The following SLC15A1 variants were observed in gnomAD, a reference collection of about 807,000 sequenced individuals.
SLC15A1 encodes solute carrier family 15 member 1.
In SLC15A1, 83 loss-of-function variants were observed where a neutral mutation model predicts 92.9. The observed-to-expected ratio is 0.89, with a 90% CI of 0.75 to 1.07. The LOEUF (loss-of-function observed/expected upper bound fraction) is 1.07. Among genes scored for constraint, SLC15A1 ranks in the 50% least tolerant of loss-of-function variants. The pLI, the probability that SLC15A1 is intolerant of heterozygous loss-of-function variation, is 0.00. For missense variants in SLC15A1, 857 were observed against 880.1 expected, an observed-to-expected ratio of 0.97 and a Z score of 0.33; for synonymous variants, 322 against 318.2, an observed-to-expected ratio of 1.01 and a Z score of -0.13.
chr13:98,736,553 T>C (rs9513474), intron 1 of SLC15A1, among the ~76,000 whole-genome samples: 95,106 of 152,032 alleles, frequency 0.63, 31,835 homozygotes, highest in African/African-American at 0.87. Context: ...AGTGAACAGG[T>C]AACCAACAGA....
chr13:98,739,459 A>G (rs1484280449), intron 1 of SLC15A1, among the ~76,000 whole-genome samples: 1 of 152,204 alleles, frequency 6.6e-6, no homozygotes, highest in Non-Finnish European at 1.5e-5. Flanking sequence ...ACACTGGATC[A>G]TGGGGACAGT....
chr13:98,692,136 CTTTTTTTTTTTT>C (rs528865683), intron 18 of SLC15A1, among the ~76,000 whole-genome samples: 48 of 67,638 alleles, frequency 7.1e-4, no homozygotes, highest in East Asian at 4.8e-3. Flanking sequence ...TTCTCCTAAA[CTTTTTTTTTTTT>C]TTTTTTTTTT....
At chr13:98,750,054 G>A (rs1164851717) in intron 1 of SLC15A1, among the ~76,000 whole-genome samples, 3 of 152,086 alleles carry the variant, frequency 2.0e-5, no homozygotes, top group African/African-American at 4.8e-5. Context: ...AGGAGGTGCC[G>A]TTCATGAGCC....
At chr13:98,697,615 C>CT (rs11347963) in intron 18 of SLC15A1, among the ~76,000 whole-genome samples, 48,610 of 124,914 alleles carry the variant, frequency 0.39, 10,918 homozygotes, top group Non-Finnish European at 0.53. Context: ...CTGGCTGATG[C>CT]TTTTTTTTTT....
chr13:98,740,069 G>T (rs1477883232), intron 1 of SLC15A1, among the ~76,000 whole-genome samples: 1 of 152,206 alleles, frequency 6.6e-6, no homozygotes, highest in African/African-American at 2.4e-5. Context: ...GGATGAGGAT[G>T]GTGTGGACCA....
chr13:98,685,984 C>CAA (rs869045159), intron 22 of SLC15A1, among the ~76,000 whole-genome samples: 12 of 103,274 alleles, frequency 1.2e-4, no homozygotes, highest in South Asian at 6.3e-4. Flanking sequence ...GACTCCGTCT[C>CAA]AAAAAAAAAA....
At chr13:98,719,420 A>T (rs2088236825) in intron 7 of SLC15A1, 100 bp from the exon 8 acceptor site, 1 of 830,708 alleles carries the variant, frequency 1.2e-6, no homozygotes, top group Admixed American at 2.0e-5. Context: ...TATTGCTTTC[A>T]CATACTGTTC....
Position 98,726,235 on chromosome 13 carries a change from T to A in SLC15A1, c.133A>T (p.Ile45Phe). ...AILILYFTNF[I>F]SWDDNLSTAI... ...GTGGACAGGTTATCATCCCAGCTGA[T>A]GAAATTTGTGAAGTACAGAATCAGG... is the stretch of plus-strand genomic sequence containing the variant. The change falls in exon 4 of 23, where the codon ATC becomes TTC. Residue 45 changes from isoleucine (I) to phenylalanine (F), a missense_variant. By Grantham distance (21) the Ile-to-Phe change is conservative. Transcript: ENST00000376503. The A allele has an allele frequency of 6.2e-7, 1 of 1,613,934 alleles. No homozygotes were observed. The highest frequency in any genetic ancestry group is 8.5e-7 in the Non-Finnish European group (1 of 1,179,984).
chr13:98,702,483 A>G lies in SLC15A1; in HGVS notation c.1463T>C (p.Ile488Thr). Reference sequence around the variant, plus strand: ...AATTTTAAAGAAATATACATACCTGATTCCATTTTCCCCTTTTTCTGGCTT... The same window carrying G: ...AATTTTAAAGAAATATACATACCTGGTTCCATTTTCCCCTTTTTCTGGCTT... ...NQKPEKGENG[I>T]RFVNTFNELI... The change falls in exon 18 of 23, where the codon ATC becomes ACC. Residue 488 changes from isoleucine to threonine, a missense_variant. Physicochemically the swap from Ile to Thr is moderately conservative, Grantham distance 89. Transcript: ENST00000376503. The G allele has an allele frequency of 6.2e-7, 1 of 1,604,016 alleles. No homozygotes were observed. The highest frequency in any genetic ancestry group is 1.7e-5 in the Admixed American group (1 of 59,994).
At chr13:98,705,059 T>A (rs1237191935) in intron 16 of SLC15A1, among the ~76,000 whole-genome samples, 2 of 151,386 alleles carry the variant, frequency 1.3e-5, no homozygotes, top group African/African-American at 2.4e-5. Context: ...ATTAGTTGGG[T>A]GTGGTGGTTC....
chr13:98,731,436 T>C (rs2088349883), intron 1 of SLC15A1, among the ~76,000 whole-genome samples: 2 of 152,222 alleles, frequency 1.3e-5, no homozygotes, highest in South Asian at 4.1e-4. Flanking sequence ...CACGTTATGC[T>C]TCGCCTACTT....
At chr13:98,720,448 AAAAC>A (rs2088248121) in intron 7 of SLC15A1, 1 of 152,352 alleles carries the variant, frequency 6.6e-6, no homozygotes, top group African/African-American at 2.4e-5. Flanking sequence ...AAGTTGGAAA[AAAAC>A]AAAAAATAAA....
At position 98,726,825 on chromosome 13, in the gene SLC15A1, A is replaced by T. The variant is rs1184331338; in HGVS notation, c.21+18T>A. ...TTTACAAGATGAAGATATGTAGAGAAGGAAAAAGGGTACTCACGTGTGATT... is the reference window on the plus strand; with the variant it reads ...TTTACAAGATGAAGATATGTAGAGATGGAAAAAGGGTACTCACGTGTGATT... On this transcript the variant is annotated intron_variant, in intron 2 of 22. Transcript: ENST00000376503. The T allele has an allele frequency of 6.2e-7, 1 of 1,611,338 alleles. No homozygotes were observed. The highest frequency in any genetic ancestry group is 8.5e-7 in the Non-Finnish European group (1 of 1,177,570).
intron 18 of SLC15A1, among the ~76,000 whole-genome samples, chr13:98,690,293 A>G (rs1313366588): frequency 6.6e-6 from 1 of 152,218 alleles, no homozygotes; most frequent in Non-Finnish European, 1.5e-5. Flanking sequence ...AATTAAACTC[A>G]GGTCCTGAAG....
At chr13:98,728,991 A>AC (rs1566455589) in intron 1 of SLC15A1, among the ~76,000 whole-genome samples, 1 of 146,682 alleles carries the variant, frequency 6.8e-6, no homozygotes, top group Non-Finnish European at 1.5e-5. Context: ...AAAAAAAAAA[A>AC]AAAAAAAAAA....
At chr13:98,720,864 C>G (rs1357953624) in intron 7 of SLC15A1, 1 of 335,942 alleles carries the variant, frequency 3.0e-6, no homozygotes, top group Non-Finnish European at 5.8e-6. Context: ...TCCTGGCTAA[C>G]ATGGTGAAAT....
chr13:98,730,275 G>A lies in SLC15A1; in HGVS notation c.5-3416C>T, dbSNP rs1347081644. 2.6e-4 allele frequency among the ~76,000 whole-genome samples: 16 copies of A among 61,178 alleles called. 2 individuals are homozygous for A. The Admixed American group carries it at 3.7e-3, about 14-fold the overall frequency. The allele number at this position is 61,178 out of a possible 152,430, so 40.1% of individuals were successfully genotyped here. On this transcript the variant is annotated intron_variant, in intron 1 of 22. Transcript: ENST00000376503. Reference sequence around the variant, plus strand: ...AGGGGAAGGGGAGGGGAAGGGGAGGGGAAGGGGAGGGGAAGGGGAGGGGAA... The same window carrying A: ...AGGGGAAGGGGAGGGGAAGGGGAGGAGAAGGGGAGGGGAAGGGGAGGGGAA...
chr13:98,724,946 C>T (rs2088287134), intron 4 of SLC15A1, among the ~76,000 whole-genome samples: 1 of 152,082 alleles, frequency 6.6e-6, no homozygotes, highest in South Asian at 2.1e-4. Flanking sequence ...AAATGTGATC[C>T]CAGTGTTGGA....
At chr13:98,734,626 T>C (rs544265905) in intron 1 of SLC15A1, among the ~76,000 whole-genome samples, 3 of 152,218 alleles carry the variant, frequency 2.0e-5, no homozygotes, top group Non-Finnish European at 4.4e-5. Context: ...GGAGATTAAA[T>C]AGACGCAATA....
Sources: allele counts gnomAD v4.1 joint callset (sites outside exome capture counted in the v4.1 genomes callset), GRCh38; gene constraint gnomAD v4.1.1; transcripts MANE v1.5; gene names NCBI Gene and HGNC (gene_info 2026-07-23, HGNC 2026-07-21).